The following FAM110B variants were observed in gnomAD, a reference collection of about 807,000 sequenced individuals.
FAM110B encodes family with sequence similarity 110 member B.
In FAM110B, 6 loss-of-function variants were observed where a neutral mutation model predicts 20.4. The ratio of observed to expected loss-of-function variants is 0.29; its 90% CI spans 0.16 to 0.58. The LOEUF is 0.58. Ranked by LOEUF, FAM110B falls within the 20% of genes least tolerant of loss-of-function variation. The probability of loss-of-function intolerance (pLI) is 0.90; values close to 1 mark genes in which losing one functional copy is unlikely to be tolerated. For synonymous variants in FAM110B, 226 were observed against 214.1 expected (o/e 1.06, Z -0.49); for missense variants, 434 against 498.2 (o/e 0.87, Z 1.23).
chr8:58,095,851 C>T (rs1563368297), intron 3 of FAM110B, among the ~76,000 whole-genome samples: 1 of 152,084 alleles, frequency 6.6e-6, no homozygotes. Context: ...TTAAAGTCTC[C>T]CACTATTATT....
chr8:58,112,568 C>T (rs1054026990), intron 3 of FAM110B, among the ~76,000 whole-genome samples: 3 of 152,208 alleles, frequency 2.0e-5, no homozygotes, highest in East Asian at 1.9e-4. Context: ...GACTTTTCCA[C>T]AGTGCAAGAT....
chr8:58,028,248 C>T (rs558076210), intron 1 of FAM110B, among the ~76,000 whole-genome samples: 1 of 152,050 alleles, frequency 6.6e-6, no homozygotes, highest in Non-Finnish European at 1.5e-5. Context: ...GGATTACAGG[C>T]GCCTGCCACC....
At chr8:58,086,633 A>G (rs2150600696) in intron 3 of FAM110B, among the ~76,000 whole-genome samples, 1 of 152,340 alleles carries the variant, frequency 6.6e-6, no homozygotes, top group South Asian at 2.1e-4. Context: ...ACTTCTTAGG[A>G]CATTCCACAG....
intron 2 of FAM110B, chr8:58,032,352 T>G (rs1804980977): frequency 1.3e-5 from 2 of 152,248 alleles, no homozygotes; most frequent in African/African-American, 4.8e-5. Flanking sequence ...ATATTTTTAA[T>G]TATTAACATA....
chr8:58,057,836 A>G (rs922746466), intron 2 of FAM110B, among the ~76,000 whole-genome samples: 3 of 152,258 alleles, frequency 2.0e-5, no homozygotes, highest in Admixed American at 1.3e-4. Context: ...GACCAGGCAC[A>G]TGGAAGTTGC....
intron 1 of FAM110B, among the ~76,000 whole-genome samples, chr8:58,006,637 C>G (rs930648804): frequency 1.3e-5 from 2 of 150,760 alleles, no homozygotes; most frequent in African/African-American, 4.9e-5. Context: ...GGGTCTCACT[C>G]TGTCACCCAG....
intron 2 of FAM110B, among the ~76,000 whole-genome samples, chr8:58,064,254 T>A (rs1805716424): frequency 6.6e-6 from 1 of 152,168 alleles, no homozygotes; most frequent in Non-Finnish European, 1.5e-5. Context: ...CCAAACCATA[T>A]CAAAAGGATA....
intron 2 of FAM110B, 147 bp from the exon 3 acceptor site, chr8:58,075,388 G>A (rs1165862346): frequency 6.6e-6 from 1 of 151,740 alleles, no homozygotes; most frequent in African/African-American, 2.4e-5. Flanking sequence ...CAAAGTGCTG[G>A]GATGACAAGC....
intron 3 of FAM110B, among the ~76,000 whole-genome samples, chr8:58,096,228 T>A (rs919660982): frequency 6.6e-6 from 1 of 152,052 alleles, no homozygotes; most frequent in Non-Finnish European, 1.5e-5. Flanking sequence ...CAGGCTGGAG[T>A]GCAGTGGCGC....
At chr8:58,097,858 G>T (rs557009414) in intron 3 of FAM110B, among the ~76,000 whole-genome samples, 2 of 152,344 alleles carry the variant, frequency 1.3e-5, no homozygotes, top group South Asian at 4.1e-4. Flanking sequence ...GTCCACTCCA[G>T]ACCCTGTTTG....
chr8:58,063,041 A>C (rs890687202), intron 2 of FAM110B, among the ~76,000 whole-genome samples: 6 of 152,212 alleles, frequency 3.9e-5, no homozygotes, highest in African/African-American at 1.4e-4. Context: ...GATGGCTGGG[A>C]ATGGTTAGCA....
chr8:58,121,237 G>A (rs965453048), intron 3 of FAM110B, among the ~76,000 whole-genome samples: 7 of 152,296 alleles, frequency 4.6e-5, no homozygotes, highest in Admixed American at 1.3e-4. Context: ...TTGTCCACAC[G>A]CACCACTGTG....
At chr8:58,045,278 ACC>A (rs757894473) in intron 2 of FAM110B, among the ~76,000 whole-genome samples, 3 of 152,160 alleles carry the variant, frequency 2.0e-5, no homozygotes, top group Non-Finnish European at 4.4e-5. Context: ...GTGACATATA[ACC>A]ACACTCTCTC....
chr8:58,093,795 G>T (rs2150605251), intron 3 of FAM110B, among the ~76,000 whole-genome samples: 1 of 152,284 alleles, frequency 6.6e-6, no homozygotes, highest in South Asian at 2.1e-4. Flanking sequence ...AAAATCAATG[G>T]TAGCTTGATG....
At chr8:58,080,487 C>A (rs1806162337) in intron 3 of FAM110B, among the ~76,000 whole-genome samples, 1 of 152,150 alleles carries the variant, frequency 6.6e-6, no homozygotes, top group Admixed American at 6.5e-5. Flanking sequence ...AGTTTCCAGA[C>A]CTTCTCACTT....
At chr8:58,137,173 AAGACAAAAGATC>A (rs1467181637) in intron 3 of FAM110B, among the ~76,000 whole-genome samples, 1 of 152,234 alleles carries the variant, frequency 6.6e-6, no homozygotes, top group Non-Finnish European at 1.5e-5. Flanking sequence ...GAATCCTTTT[AAGACAAAAGATC>A]ATTCATTTAC....
intron 3 of FAM110B, among the ~76,000 whole-genome samples, chr8:58,138,014 C>T (rs1229573255): frequency 6.6e-6 from 1 of 152,240 alleles, no homozygotes; most frequent in Non-Finnish European, 1.5e-5. Flanking sequence ...CCTTTACTTG[C>T]TCCAGCTCCT....
chr8:57,995,069 C>G (rs1180425770), intron 1 of FAM110B, among the ~76,000 whole-genome samples: 1 of 152,110 alleles, frequency 6.6e-6, no homozygotes, highest in East Asian at 1.9e-4. Flanking sequence ...CCCGCGCCCC[C>G]TCTGCGCTCG....
Position 58,038,864 on chromosome 8 carries a change from G to T in FAM110B, c.-414+7161G>T, listed in dbSNP as rs1805142743. ...CACTTCATCCCGGACCCAGAGAAGA[G>T]CTTGGCATTCAGGAATTTCCTAAAC... On this transcript the variant is annotated intron_variant, in intron 2 of 3. Coordinates refer to ENST00000519262, the MANE Select transcript of FAM110B (RefSeq NM_001377989.1). Among the ~76,000 whole-genome samples the T allele has an allele frequency of 1.3e-5, 2 of 152,190 alleles. 1 individual carries two copies. Among genetic ancestry groups the T allele is most frequent in the South Asian group, 4.1e-4 (2 of 4,830 alleles).
Sources: gnomAD v4.1 joint callset for allele counts (sites outside exome capture counted in the v4.1 genomes callset) on GRCh38, gnomAD v4.1.1 for gene constraint, MANE v1.5 for transcripts, NCBI Gene and HGNC (gene_info 2026-07-23, HGNC 2026-07-21) for gene names.